CNTN6: variants seen among roughly 807,000 people sequenced by gnomAD.
CNTN6 encodes contactin-6.
A neutral mutation model predicts 122.8 loss-of-function variants in CNTN6; 137 were observed. The observed-to-expected ratio is 1.12, with a 90% CI of 0.97 to 1.29. CNTN6 has a LOEUF of 1.29. CNTN6 is among the 50% of genes most tolerant of loss of function. The probability of loss-of-function intolerance (pLI) is 0.00; values close to 1 mark genes in which losing one functional copy is unlikely to be tolerated. For synonymous variants in CNTN6, 570 were observed against 426.0 expected, an observed-to-expected ratio of 1.34 and a Z score of -4.16; for missense variants, 1,634 against 1,223.4, an observed-to-expected ratio of 1.34 and a Z score of -5.01.
intron 20 of CNTN6, among the ~76,000 whole-genome samples, chr3:1,389,095 C>A (rs577164991): frequency 6.9e-6 from 1 of 144,996 alleles, no homozygotes; most frequent in East Asian, 2.0e-4. Context: ...AAGAGCAACT[C>A]CAAGACACAT....
At chr3:1,292,215 C>CT (rs1695442128) in intron 5 of CNTN6, among the ~76,000 whole-genome samples, 1 of 152,140 alleles carries the variant, frequency 6.6e-6, no homozygotes, top group Admixed American at 6.5e-5. Context: ...CTTTTGCCTT[C>CT]TGGACATTGA....
chr3:1,348,531 A>C (rs1705119408), intron 11 of CNTN6, among the ~76,000 whole-genome samples: 1 of 152,088 alleles, frequency 6.6e-6, no homozygotes, highest in African/African-American at 2.4e-5. Flanking sequence ...TCTGAAGGTC[A>C]GATTTTAAAT....
At chr3:1,354,472 C>G (rs899916671) in intron 12 of CNTN6, among the ~76,000 whole-genome samples, 1 of 151,022 alleles carries the variant, frequency 6.6e-6, no homozygotes, top group Non-Finnish European at 1.5e-5. Context: ...TTCCTTGTTA[C>G]CTTAATCAGT....
intron 9 of CNTN6, 128 bp from the exon 10 acceptor site, chr3:1,327,329 A>G (rs1701672320): frequency 1.0e-6 from 1 of 978,942 alleles, no homozygotes; most frequent in Non-Finnish European, 1.5e-6. Flanking sequence ...CTCAGAATCT[A>G]GTAGTGTATT....
chr3:1,373,044 C>A, intron 14 of CNTN6, 89 bp downstream of exon 14: 1 of 743,434 alleles, frequency 1.3e-6, no homozygotes, highest in Non-Finnish European at 2.3e-6. Context: ...GAAACCACAC[C>A]ATGTTATGGA....
chr3:1,145,542 C>A (rs912585605), intron 1 of CNTN6, among the ~76,000 whole-genome samples: 6 of 152,046 alleles, frequency 3.9e-5, no homozygotes, highest in Non-Finnish European at 7.4e-5. Context: ...ATGTAATTTA[C>A]GTTATAAGCT....
intron 4 of CNTN6, among the ~76,000 whole-genome samples, chr3:1,272,438 A>G (rs756991511): frequency 6.6e-6 from 1 of 152,230 alleles, no homozygotes; most frequent in Non-Finnish European, 1.5e-5. Flanking sequence ...AGAGCATCTG[A>G]CATATAATGG....
intron 4 of CNTN6, among the ~76,000 whole-genome samples, chr3:1,232,623 G>T (rs912407435): frequency 1.3e-5 from 2 of 152,188 alleles, no homozygotes; most frequent in Non-Finnish European, 2.9e-5. Flanking sequence ...ACAGAAGAAT[G>T]AACTAGCCTG....
chr3:1,113,674 G>T (rs936025452), intron 1 of CNTN6, among the ~76,000 whole-genome samples: 1 of 152,068 alleles, frequency 6.6e-6, no homozygotes, highest in East Asian at 1.9e-4. Flanking sequence ...ATGTTTAAGG[G>T]GATGGACTCA....
intron 12 of CNTN6, among the ~76,000 whole-genome samples, chr3:1,360,919 T>G (rs977023600): frequency 3.3e-5 from 5 of 152,086 alleles, no homozygotes; most frequent in Non-Finnish European, 1.5e-5. Context: ...GAGATTATTT[T>G]TAATTTTTTT....
intron 5 of CNTN6, among the ~76,000 whole-genome samples, chr3:1,284,114 C>G (rs1374344280): frequency 6.6e-6 from 1 of 152,208 alleles, no homozygotes. Flanking sequence ...ATGCAACTTT[C>G]AGGTTGGTAG....
At chr3:1,205,003 A>G (rs1167403794) in intron 2 of CNTN6, among the ~76,000 whole-genome samples, 2 of 152,148 alleles carry the variant, frequency 1.3e-5, no homozygotes, top group African/African-American at 4.8e-5. Flanking sequence ...ATTATTTTGG[A>G]TTAGCTGGGG....
At chr3:1,107,244 G>C (rs1233162196) in intron 1 of CNTN6, among the ~76,000 whole-genome samples, 2 of 152,024 alleles carry the variant, frequency 1.3e-5, no homozygotes, top group Non-Finnish European at 2.9e-5. Flanking sequence ...CTGATAAATA[G>C]GTATTTTTCA....
At chr3:1,367,654 G>T (rs751967121) in intron 12 of CNTN6, among the ~76,000 whole-genome samples, 2 of 152,154 alleles carry the variant, frequency 1.3e-5, no homozygotes, top group African/African-American at 4.8e-5. Context: ...GCACACACAA[G>T]TTCAGGCTTA....
intron 2 of CNTN6, among the ~76,000 whole-genome samples, chr3:1,150,156 A>G (rs2092808818): frequency 1.3e-5 from 2 of 152,168 alleles, no homozygotes; most frequent in African/African-American, 4.8e-5. Context: ...ACACTGCTTT[A>G]AATCTGTTTG....
chr3:1,281,385 C>A (rs763380915), intron 5 of CNTN6, among the ~76,000 whole-genome samples: 4 of 151,678 alleles, frequency 2.6e-5, no homozygotes, highest in Non-Finnish European at 5.9e-5. Flanking sequence ...TTTTAAATCT[C>A]GTGTGTAAGT....
At chr3:1,110,877 C>T (rs1380155872) in intron 1 of CNTN6, among the ~76,000 whole-genome samples, 2 of 152,106 alleles carry the variant, frequency 1.3e-5, no homozygotes, top group African/African-American at 2.4e-5. Flanking sequence ...CAACCTTACC[C>T]TTTGGTTAAT....
chr3:1,370,886 T>C (rs1708919776), intron 12 of CNTN6, among the ~76,000 whole-genome samples: 1 of 151,876 alleles, frequency 6.6e-6, no homozygotes, highest in Non-Finnish European at 1.5e-5. Context: ...AGTACATGCA[T>C]CTAATATAAA....
intron 1 of CNTN6, among the ~76,000 whole-genome samples, chr3:1,140,367 G>T (rs191124512): frequency 1.3e-5 from 2 of 152,128 alleles, no homozygotes; most frequent in Non-Finnish European, 1.5e-5. Flanking sequence ...AGTAGGGGGG[G>T]ACCCTCAATC....
Sources: allele counts gnomAD v4.1 joint callset (sites outside exome capture counted in the v4.1 genomes callset), GRCh38; gene constraint gnomAD v4.1.1; transcripts MANE v1.5; gene names NCBI Gene and HGNC (gene_info 2026-07-23, HGNC 2026-07-21).